The following NTMT2 variants were observed in gnomAD, a reference collection of about 807,000 sequenced individuals.
The protein encoded by NTMT2 is X-Pro-Lys N-terminal protein methyltransferase 1B.
A neutral mutation model predicts 23.4 loss-of-function variants in NTMT2; 21 were observed. The ratio of observed to expected loss-of-function variants is 0.90; its 90% confidence interval spans 0.64 to 1.29. The LOEUF (loss-of-function observed/expected upper bound fraction) is 1.29, where lower values mean the gene tolerates loss of function less well. Ranked by LOEUF, NTMT2 falls within the 50% of genes most tolerant of loss-of-function variation. The pLI, the probability that NTMT2 is intolerant of heterozygous loss-of-function variation, is 0.00. For missense variants in NTMT2, 336 were observed against 352.0 expected (o/e 0.95, Z 0.36); for synonymous variants, 131 against 127.7 (o/e 1.03, Z -0.17).
chr1:170,156,052 G>T (rs540398923), intron 1 of NTMT2, among the ~76,000 whole-genome samples: 1 of 152,210 alleles, frequency 6.6e-6, no homozygotes, highest in East Asian at 1.9e-4. Context: ...TCTCAAGGAG[G>T]CATTTGAAAA....
chr1:170,167,472 G>T lies in NTMT2; in HGVS notation c.581-14G>T. 1 of 1,530,706 alleles carries T rather than the reference G, an allele frequency of 6.5e-7. No homozygotes were observed. The highest frequency in any genetic ancestry group is 1.4e-5 in the African/African-American group (1 of 72,808). The allele number at this position is 1,530,706 out of a possible 1,614,324, so 94.8% of individuals were successfully genotyped here. Reference sequence around the variant, plus strand: ...TTTCTTCCTGTTCCCCCATCCACTTGGTCTCCCTTGTAGGGCACCTGACTG... The same window carrying T: ...TTTCTTCCTGTTCCCCCATCCACTTTGTCTCCCTTGTAGGGCACCTGACTG... On this transcript the variant is annotated splice_polypyrimidine_tract_variant and intron_variant, in intron 3 of 3. Coordinates refer to ENST00000439373, the MANE Select transcript of NTMT2 (RefSeq NM_001136107.2).
chr1:170,152,959 T>G (rs375693408), intron 1 of NTMT2, among the ~76,000 whole-genome samples: 5 of 152,314 alleles, frequency 3.3e-5, no homozygotes, highest in Admixed American at 2.6e-4. Flanking sequence ...GATGGATCCC[T>G]CATGCCTTGG....
At position 170,166,601 on chromosome 1, in the gene NTMT2, C is replaced by G; in HGVS notation, c.430C>G (p.Leu144Val). The G allele has an allele frequency of 1.9e-6, 3 of 1,552,178 alleles. No individual in the cohort carries two copies. The highest frequency in any genetic ancestry group is 2.6e-6 in the Non-Finnish European group (3 of 1,147,090). The part of the protein sequence containing the change: ...VLLPVFNSVE[L>V]VDMMESFLLE... ...ATTGCCTGTTTTCAACAGTGTGGAG[C>G]TGGTGGATATGATGGAATCCTTTCT... Residue 144 changes from leucine to valine, a missense_variant, in exon 3 of 4, where the codon CTG (leucine) becomes GTG (valine). Physicochemically the swap from Leu to Val is conservative, Grantham distance 32. Transcript: ENST00000439373.
At chr1:170,147,413 G>C (rs535209713) in intron 1 of NTMT2, among the ~76,000 whole-genome samples, 2 of 152,142 alleles carry the variant, frequency 1.3e-5, no homozygotes, top group African/African-American at 4.8e-5. Flanking sequence ...AAAATTCAGA[G>C]ATGATGATAT....
chr1:170,164,700 A>G (rs1673338095), intron 2 of NTMT2, among the ~76,000 whole-genome samples: 1 of 152,224 alleles, frequency 6.6e-6, no homozygotes, highest in Non-Finnish European at 1.5e-5. Context: ...CATTAGACAG[A>G]TATTACCAAG....
intron 1 of NTMT2, among the ~76,000 whole-genome samples, chr1:170,152,997 C>G (rs1673100047): frequency 6.6e-6 from 1 of 152,048 alleles, no homozygotes; most frequent in Non-Finnish European, 1.5e-5. Flanking sequence ...TGAGTGAGTT[C>G]TCATGAGAGC....
At chr1:170,167,081 C>T (rs1673409648) in intron 3 of NTMT2, among the ~76,000 whole-genome samples, 2 of 152,270 alleles carry the variant, frequency 1.3e-5, no homozygotes, top group Middle Eastern at 3.4e-3. Context: ...GGTTAATCCC[C>T]ATTTATTGGC....
intron 2 of NTMT2, among the ~76,000 whole-genome samples, chr1:170,161,160 G>A (rs1470732387): frequency 2.0e-5 from 3 of 152,100 alleles, no homozygotes; most frequent in South Asian, 2.1e-4. Context: ...TTAGCTGGGC[G>A]TGGTGGCGGG....
chr1:170,163,345 A>G (rs747265964), intron 2 of NTMT2, among the ~76,000 whole-genome samples: 2 of 152,234 alleles, frequency 1.3e-5, no homozygotes, highest in African/African-American at 4.8e-5. Flanking sequence ...GACATGACTT[A>G]TTCTTGTGTC....
intron 1 of NTMT2, among the ~76,000 whole-genome samples, chr1:170,148,006 A>C (rs372241446): frequency 6.6e-6 from 1 of 152,168 alleles, no homozygotes; most frequent in East Asian, 1.9e-4. Flanking sequence ...ATCAAAAGGC[A>C]AAGTTTTTGA....
At chr1:170,157,118 A>G (rs1011657069) in intron 1 of NTMT2, among the ~76,000 whole-genome samples, 42 of 152,234 alleles carry the variant, frequency 2.8e-4, no homozygotes, top group African/African-American at 9.1e-4. Context: ...GGTTTCTGTC[A>G]TCCCTGTTGA....
chr1:170,166,818 C>A, intron 3 of NTMT2, 67 bp downstream of exon 3: 2 of 1,510,278 alleles, frequency 1.3e-6, no homozygotes, highest in Non-Finnish European at 9.0e-7. Context: ...GTCCTTGGGG[C>A]TAATGAGGGC....
rs1232886598 is a variant in NTMT2 at position 170,168,365 on chromosome 1, G to T, written c.*608G>T. ...GGAGAAAATCTACACTCCTTTCCCC[G>T]CCTTCATGTCAGCTACATTATACTT... On this transcript the variant is annotated 3_prime_UTR_variant, in exon 4 of 4. Coordinates refer to ENST00000439373, the MANE Select transcript of NTMT2 (RefSeq NM_001136107.2). Among the ~76,000 whole-genome samples the T allele has an allele frequency of 6.6e-6, 1 of 151,910 alleles. No homozygotes were observed. Among genetic ancestry groups the T allele is most frequent in the Non-Finnish European group, 1.5e-5 (1 of 67,994 alleles).
chr1:170,158,461 G>A (rs924849997), intron 1 of NTMT2, among the ~76,000 whole-genome samples: 1 of 151,658 alleles, frequency 6.6e-6, no homozygotes, highest in African/African-American at 2.4e-5. Context: ...CTATTTGAAG[G>A]TCAACCACTC....
chr1:170,148,464 C>G (rs1014107668), intron 1 of NTMT2, among the ~76,000 whole-genome samples: 3 of 152,016 alleles, frequency 2.0e-5, no homozygotes, highest in Non-Finnish European at 4.4e-5. Context: ...TTAGTCTATC[C>G]CAAGCCAACA....
chr1:170,163,277 T>C (rs956462319), intron 2 of NTMT2, among the ~76,000 whole-genome samples: 4 of 152,214 alleles, frequency 2.6e-5, no homozygotes, highest in African/African-American at 9.6e-5. Context: ...CTTCATACTG[T>C]AATCTACTAG....
At chr1:170,146,624 T>C (rs951117909) in intron 1 of NTMT2, among the ~76,000 whole-genome samples, 2 of 152,160 alleles carry the variant, frequency 1.3e-5, no homozygotes, top group Non-Finnish European at 2.9e-5. Context: ...TATTAATGCA[T>C]TAATACATTG....
rs1439090787 is a variant in NTMT2 at position 170,168,703 on chromosome 1, T to C, written c.*946T>C. The stretch of plus-strand genomic sequence containing the variant: ...TGTCATTGATAATCTAATTTTAGTC[T>C]TTGCTTTTCAACATGGCTTGGTTCA... On this transcript the variant is annotated 3_prime_UTR_variant, in exon 4 of 4. Coordinates refer to ENST00000439373, the MANE Select transcript of NTMT2 (RefSeq NM_001136107.2). Among the ~76,000 whole-genome samples, 1 of 152,242 alleles carries C rather than the reference T, an allele frequency of 6.6e-6. No homozygotes were observed. Among genetic ancestry groups the C allele is most frequent in the African/African-American group, 2.4e-5 (1 of 41,456 alleles).
At chr1:170,156,045 CAAG>C (rs371363172) in intron 1 of NTMT2, among the ~76,000 whole-genome samples, 2 of 152,094 alleles carry the variant, frequency 1.3e-5, no homozygotes, top group South Asian at 2.1e-4. Flanking sequence ...AAGAGTTTCT[CAAG>C]GAGGCATTTG....
Sources: gnomAD v4.1 joint callset for allele counts (sites outside exome capture counted in the v4.1 genomes callset) on GRCh38, gnomAD v4.1.1 for gene constraint, MANE v1.5 for transcripts, NCBI Gene and HGNC (gene_info 2026-07-23, HGNC 2026-07-21) for gene names.